LRBA: variants seen among roughly 807,000 people sequenced by gnomAD.
The protein encoded by LRBA is lipopolysaccharide-responsive and beige-like anchor protein.
Under a neutral mutation model 330.0 loss-of-function variants are expected in LRBA, and 176 were observed. That is an observed-to-expected ratio of 0.53 (90% CI 0.47 to 0.60). The LOEUF (loss-of-function observed/expected upper bound fraction) is 0.60. Among genes scored for constraint, LRBA ranks in the 20% least tolerant of loss-of-function variants. LRBA has a pLI of 0.00. For missense variants in LRBA, 3,259 were observed against 3,444.8 expected, an observed-to-expected ratio of 0.95 and a Z score of 1.35; for synonymous variants, 1,230 against 1,193.0, an observed-to-expected ratio of 1.03 and a Z score of -0.64.
intron 17 of LRBA, among the ~76,000 whole-genome samples, chr4:150,876,730 G>A (rs1754068353): frequency 6.6e-6 from 1 of 152,114 alleles, no homozygotes; most frequent in African/African-American, 2.4e-5. Context: ...ACACGGAAAT[G>A]TAAGAACAAC....
intron 2 of LRBA, among the ~76,000 whole-genome samples, chr4:150,985,841 A>C (rs2149614471): frequency 6.6e-6 from 1 of 151,922 alleles, no homozygotes; most frequent in Non-Finnish European, 1.5e-5. Context: ...TCATGTTGTT[A>C]GGAGGAAAAA....
chr4:150,452,222 A>G (rs1441707083), intron 44 of LRBA, among the ~76,000 whole-genome samples: 1 of 152,236 alleles, frequency 6.6e-6, no homozygotes, highest in Non-Finnish European at 1.5e-5. Context: ...AATCTGGTTT[A>G]TCACAGAAAG....
At chr4:150,648,079 C>T (rs1779329160) in intron 37 of LRBA, among the ~76,000 whole-genome samples, 1 of 143,428 alleles carries the variant, frequency 7.0e-6, no homozygotes, top group South Asian at 2.2e-4. Flanking sequence ...TAAAGAGATA[C>T]CCAAGCAGCA....
chr4:150,427,578 A>G (rs1020186600), intron 46 of LRBA, among the ~76,000 whole-genome samples: 3 of 151,996 alleles, frequency 2.0e-5, no homozygotes, highest in Admixed American at 6.6e-5. Context: ...GGCAAAAAAC[A>G]GAAGGAAGGA....
chr4:150,839,645 C>T (rs1206705601), intron 28 of LRBA, among the ~76,000 whole-genome samples: 1 of 152,162 alleles, frequency 6.6e-6, no homozygotes, highest in East Asian at 1.9e-4. Context: ...GGACAAAAAA[C>T]CAAACACTGC....
chr4:150,289,995 A>G (rs72732489), intron 53 of LRBA, among the ~76,000 whole-genome samples: 1 of 152,284 alleles, frequency 6.6e-6, no homozygotes, highest in Non-Finnish European at 1.5e-5. Context: ...ATGTCTCTGT[A>G]GTTACACTGT....
At chr4:150,888,132 A>G (rs911449192) in intron 17 of LRBA, among the ~76,000 whole-genome samples, 5 of 149,870 alleles carry the variant, frequency 3.3e-5, no homozygotes, top group Non-Finnish European at 6.0e-5. Flanking sequence ...AAAGAAAGGA[A>G]AGGAAAAAGG....
rs2126920058 is a variant in LRBA, at chr4:150,851,986, C to T, written c.3724G>A (p.Ala1242Thr). ...GCAACATTGGAAACATCCAACTTCGCAATCTTTTGCTCAGAAGAAGCCTCA... is the reference window on the plus strand; with the variant it reads ...GCAACATTGGAAACATCCAACTTCGTAATCTTTTGCTCAGAAGAAGCCTCA... ...VSEASSEQKI[A>T]KLDVSNVATD... Residue 1242 changes from alanine to threonine, a missense_variant, in exon 23 of 57, where the codon GCG (alanine) becomes ACG (threonine). Physicochemically the swap from Ala to Thr is moderately conservative, Grantham distance 58. Transcript: ENST00000651943. 1.9e-6 allele frequency: 3 copies of T among 1,614,124 alleles called. No homozygotes were observed. The highest frequency in any genetic ancestry group is 2.5e-6 in the Non-Finnish European group (3 of 1,180,000).
intron 37 of LRBA, among the ~76,000 whole-genome samples, chr4:150,615,329 T>C (rs1487346096): frequency 1.3e-5 from 2 of 152,208 alleles, no homozygotes; most frequent in Non-Finnish European, 2.9e-5. Context: ...TGATGAGACC[T>C]GACATGTTTT....
At chr4:150,425,956 GA>G (rs1480923554) in intron 46 of LRBA, among the ~76,000 whole-genome samples, 1 of 151,794 alleles carries the variant, frequency 6.6e-6, no homozygotes, top group Non-Finnish European at 1.5e-5. Flanking sequence ...CTGAAAAAAT[GA>G]TTTAAAAAAT....
intron 39 of LRBA, among the ~76,000 whole-genome samples, chr4:150,589,373 G>C (rs981176025): frequency 2.0e-5 from 3 of 152,136 alleles, no homozygotes; most frequent in African/African-American, 7.2e-5. Flanking sequence ...ATCAGAGCAG[G>C]TTTTGCCCTC....
intron 22 of LRBA, among the ~76,000 whole-genome samples, chr4:150,855,025 A>C (rs1751059964): frequency 6.6e-6 from 1 of 152,192 alleles, no homozygotes; most frequent in African/African-American, 2.4e-5. Context: ...TAGGAGTCCA[A>C]GGTGGGCAGA....
Position 150,285,972 on chromosome 4 carries a change from C to T in LRBA, c.8080G>A (p.Val2694Met). 1.3e-6 allele frequency: 2 copies of T among 1,599,936 alleles called. No homozygotes were observed. The highest frequency in any genetic ancestry group is 1.1e-5 in the South Asian group (1 of 88,220). ...AACACCAGGCCTAGCTCCGCACACA[C>T]CGCAGCACATGTGACCTCATAGTCA... is the stretch of plus-strand genomic sequence containing the variant. The part of the protein sequence containing the change: ...GHDYEVTCAA[V>M]CAELGLVLSG... Residue 2694 changes from valine to methionine, a missense_variant, in exon 54 of 57, where the codon GTG (valine) becomes ATG (methionine). By Grantham distance (21) the Val-to-Met change is conservative. Transcript: ENST00000651943.
intron 2 of LRBA, among the ~76,000 whole-genome samples, chr4:150,993,405 A>G (rs557868829): frequency 4.2e-4 from 64 of 152,308 alleles, no homozygotes; most frequent in African/African-American, 1.5e-3. Flanking sequence ...TTTGTCTTTA[A>G]AAAGCAATTA....
In LRBA at chr4:150,954,678, A is replaced by G. The variant is rs1020390669; in HGVS notation, c.217-25613T>C. ...AGGAAAACCAGAGACCTTTGTTCAC[A>G]TGTTTATCTGCTGACCTTCCCTCCA... On this transcript the variant is annotated intron_variant, in intron 2 of 56. Transcript: ENST00000651943. 1.6e-3 allele frequency among the ~76,000 whole-genome samples: 241 copies of G among 149,578 alleles called. 1 individual carries two copies. Among genetic ancestry groups the G allele is most frequent in the Middle Eastern group, 3.4e-3 (1 of 294 alleles).
intron 40 of LRBA, among the ~76,000 whole-genome samples, chr4:150,516,201 T>C (rs537499712): frequency 6.8e-6 from 1 of 147,576 alleles, no homozygotes; most frequent in African/African-American, 2.5e-5. Flanking sequence ...TAATTCAGTC[T>C]GACATTTTCT....
intron 56 of LRBA, among the ~76,000 whole-genome samples, chr4:150,274,960 G>T (rs1427962467): frequency 6.6e-6 from 1 of 152,120 alleles, no homozygotes; most frequent in African/African-American, 2.4e-5. Flanking sequence ...ACCAAAACCT[G>T]GCAGAGACAC....
chr4:150,413,530 TAA>T (rs1385631031), intron 47 of LRBA, among the ~76,000 whole-genome samples: 1 of 152,180 alleles, frequency 6.6e-6, no homozygotes, highest in Admixed American at 6.5e-5. Context: ...AAGACAGGCA[TAA>T]AAAGACTACA....
Position 150,906,280 on chromosome 4 carries a change from A to C in LRBA, c.1602+17T>G, listed in dbSNP as rs1731329136. ...TGTAAATTAAGAATCAAAAACATAA[A>C]ATATTTCATACTTTACCTTTTCAAG... On this transcript the variant is annotated intron_variant, in intron 12 of 56. Coordinates refer to ENST00000651943, the MANE Select transcript of LRBA (RefSeq NM_001364905.1). 4.8e-6 allele frequency: 7 copies of C among 1,461,694 alleles called. No individual in the cohort carries two copies. In the Admixed American group the frequency reaches 5.3e-5, roughly 11 times the overall value. The allele number at this position is 1,461,694 out of a possible 1,614,324, so 90.5% of individuals were successfully genotyped here.
Sources: allele counts gnomAD v4.1 joint callset (sites outside exome capture counted in the v4.1 genomes callset), GRCh38; gene constraint gnomAD v4.1.1; transcripts MANE v1.5; gene names NCBI Gene and HGNC (gene_info 2026-07-23, HGNC 2026-07-21).